The following ATXN7 variants were observed in gnomAD, a reference collection of about 807,000 sequenced individuals.
ATXN7 encodes ataxin 7, also known as ataxin-7.
Under a neutral mutation model 70.5 loss-of-function variants are expected in ATXN7, and 12 were observed. That is an observed-to-expected ratio of 0.17 (90% CI 0.11 to 0.28). The LOEUF is 0.28. ATXN7 is among the 10% of genes least tolerant of loss of function. The pLI is 1.00. For missense variants in ATXN7, 1,256 were observed against 1,131.7 expected (o/e 1.11, Z -1.58); for synonymous variants, 498 against 448.7 (o/e 1.11, Z -1.39).
intron 4 of ATXN7, among the ~76,000 whole-genome samples, chr3:63,919,831 C>T (rs1229844943): frequency 6.9e-6 from 1 of 144,758 alleles, no homozygotes; most frequent in Non-Finnish European, 1.5e-5. Flanking sequence ...ATACAGAGCA[C>T]GAATAGCGCT....
chr3:63,948,891 G>C (rs542768742), intron 4 of ATXN7, among the ~76,000 whole-genome samples: 1 of 152,102 alleles, frequency 6.6e-6, no homozygotes, highest in Non-Finnish European at 1.5e-5. Context: ...TTTCAAATTC[G>C]TTTAGAATCC....
At chr3:63,969,332 A>G (rs17069565) in intron 5 of ATXN7, among the ~76,000 whole-genome samples, 3,519 of 152,294 alleles carry the variant, frequency 0.023, 69 homozygotes, top group South Asian at 0.079. Flanking sequence ...GAAAATGGCA[A>G]TAAGGATTGT....
intron 1 of ATXN7, among the ~76,000 whole-genome samples, chr3:63,873,236 G>C (rs901242039): frequency 6.6e-6 from 1 of 152,082 alleles, no homozygotes; most frequent in Non-Finnish European, 1.5e-5. Flanking sequence ...AGAGATCTTT[G>C]GTTGTAAGCA....
At chr3:63,984,094 G>A (rs1428772229) in intron 8 of ATXN7, among the ~76,000 whole-genome samples, 3 of 151,840 alleles carry the variant, frequency 2.0e-5, no homozygotes, top group African/African-American at 7.3e-5. Context: ...TTTTTAAGTG[G>A]TTCTTACTTT....
At chr3:63,946,276 C>T (rs868459997) in intron 4 of ATXN7, among the ~76,000 whole-genome samples, 22 of 152,134 alleles carry the variant, frequency 1.4e-4, no homozygotes, top group African/African-American at 4.8e-4. Flanking sequence ...TAGTTCTTGT[C>T]GAACGGTGGG....
At chr3:63,940,013 G>A (rs1476738461) in intron 4 of ATXN7, among the ~76,000 whole-genome samples, 1 of 152,032 alleles carries the variant, frequency 6.6e-6, no homozygotes, top group Admixed American at 6.6e-5. Flanking sequence ...TGCTTGAGGT[G>A]GTAATGCCAA....
intron 5 of ATXN7, among the ~76,000 whole-genome samples, chr3:63,958,740 G>A (rs2075076451): frequency 6.6e-6 from 1 of 152,140 alleles, no homozygotes; most frequent in East Asian, 1.9e-4. Flanking sequence ...GTGATTTACA[G>A]AGAATTTTTG....
At chr3:63,981,819 T>TGGG in intron 6 of ATXN7, among the ~76,000 whole-genome samples, 1 of 152,270 alleles carries the variant, frequency 6.6e-6, no homozygotes. Flanking sequence ...CCTCAAAAGA[T>TGGG]ATTCTCCAAG....
intron 4 of ATXN7, among the ~76,000 whole-genome samples, chr3:63,949,588 AG>A (rs1251868461): frequency 6.6e-6 from 1 of 152,100 alleles, no homozygotes; most frequent in Non-Finnish European, 1.5e-5. Flanking sequence ...TAGTAGAGAC[AG>A]GGTTTACTAT....
chr3:63,899,715 G>C (rs1045135593), intron 2 of ATXN7, among the ~76,000 whole-genome samples: 2 of 151,968 alleles, frequency 1.3e-5, no homozygotes, highest in Non-Finnish European at 2.9e-5. Context: ...CTGGGTTCAC[G>C]CAATTCTGCC....
chr3:63,874,174 T>G (rs1415967087), intron 1 of ATXN7, among the ~76,000 whole-genome samples: 3 of 152,238 alleles, frequency 2.0e-5, no homozygotes, highest in Non-Finnish European at 4.4e-5. Context: ...GCATATAGAC[T>G]CTAACCATTT....
intron 1 of ATXN7, among the ~76,000 whole-genome samples, chr3:63,892,262 T>TA (rs144754108): frequency 0.13 from 19,218 of 152,000 alleles, 1,260 homozygotes; most frequent in Middle Eastern, 0.19. Context: ...TAGAATTTTG[T>TA]AACCCCAGGC....
chr3:63,893,389 A>G (rs1703345132), intron 1 of ATXN7, among the ~76,000 whole-genome samples: 2 of 152,180 alleles, frequency 1.3e-5, no homozygotes, highest in Non-Finnish European at 2.9e-5. Flanking sequence ...TTTCTTTGCT[A>G]AAAGAAGAGG....
intron 4 of ATXN7, among the ~76,000 whole-genome samples, chr3:63,924,911 T>C (rs1368646216): frequency 6.6e-6 from 1 of 152,068 alleles, no homozygotes; most frequent in Admixed American, 6.5e-5. Context: ...TGGATAGTAT[T>C]AGGGAATGTT....
chr3:63,944,319 TAATAA>T (rs1314538626), intron 4 of ATXN7, among the ~76,000 whole-genome samples: 3 of 152,176 alleles, frequency 2.0e-5, no homozygotes, highest in African/African-American at 7.2e-5. Flanking sequence ...CAATAATTAA[TAATAA>T]AATAATAATA....
At chr3:63,970,966 A>G (rs558676819) in intron 5 of ATXN7, among the ~76,000 whole-genome samples, 4 of 152,212 alleles carry the variant, frequency 2.6e-5, no homozygotes, top group Non-Finnish European at 4.4e-5. Flanking sequence ...AGTTGTTTCA[A>G]GTGGCCCAAG....
At position 63,900,151 on chromosome 3, in the gene ATXN7, G is replaced by A. The variant is rs184174557; in HGVS notation, c.-12+1654G>A. On this transcript the variant is annotated intron_variant, in intron 2 of 12. Coordinates refer to ENST00000674280, the MANE Select transcript of ATXN7 (RefSeq NM_001377405.1). ...CTGAAAGGAATGAGATAACCTTTAA[G>A]TTAAGGTGCAGTTTAAGATGAGTCA... 2.6e-3 allele frequency among the ~76,000 whole-genome samples: 397 copies of A among 152,284 alleles called. 1 individual carries two copies. The highest frequency in any genetic ancestry group is 6.8e-3 in the Middle Eastern group (2 of 294).
intron 2 of ATXN7, 148 bp downstream of exon 2, chr3:63,898,645 C>A (rs1703519089): frequency 6.6e-6 from 1 of 152,156 alleles, no homozygotes; most frequent in Non-Finnish European, 1.5e-5. Context: ...TGAATATGAT[C>A]TTAGAAAAAT....
chr3:63,998,202 G>GGA (rs1553696277), intron 12 of ATXN7: 2 of 950,972 alleles, frequency 2.1e-6, no homozygotes, highest in East Asian at 1.4e-4. Context: ...AGGACAGAAG[G>GGA]GGGGGGGGCC....
Sources: gnomAD v4.1 joint callset for allele counts (sites outside exome capture counted in the v4.1 genomes callset) on GRCh38, gnomAD v4.1.1 for gene constraint, MANE v1.5 for transcripts, NCBI Gene and HGNC (gene_info 2026-07-23, HGNC 2026-07-21) for gene names.